Variants in IGFBPL1 observed in about 807,000 individuals in gnomAD.
The protein encoded by IGFBPL1 is insulin-like growth factor-binding protein-like 1.
In IGFBPL1, 20 loss-of-function variants were observed where a neutral mutation model predicts 23.9. That is an observed-to-expected ratio of 0.84 (90% CI 0.59 to 1.22). The LOEUF is 1.22. Ranked by LOEUF, IGFBPL1 falls within the 50% of genes most tolerant of loss-of-function variation. The probability of loss-of-function intolerance (pLI) is 0.00; values close to 1 mark genes in which losing one functional copy is unlikely to be tolerated. For missense variants in IGFBPL1, 436 were observed against 379.3 expected, an observed-to-expected ratio of 1.15 and a Z score of -1.24; for synonymous variants, 184 against 171.8, an observed-to-expected ratio of 1.07 and a Z score of -0.56.
chr9:38,409,296 G>C (rs142391380), intron 4 of IGFBPL1, 79 bp from the exon 5 acceptor site: 1 of 152,206 alleles, frequency 6.6e-6, no homozygotes, highest in African/African-American at 2.4e-5. Flanking sequence ...ATGGAAGGTG[G>C]GGGAAATGAT....
chr9:38,422,704 C>A (rs543616275), intron 1 of IGFBPL1, among the ~76,000 whole-genome samples: 72 of 152,314 alleles, frequency 4.7e-4, no homozygotes, highest in African/African-American at 1.7e-3. Flanking sequence ...CTAGGAACAG[C>A]CAATGGTGAC....
intron 1 of IGFBPL1, among the ~76,000 whole-genome samples, chr9:38,418,975 C>T (rs190625699): frequency 2.0e-5 from 3 of 152,098 alleles, no homozygotes; most frequent in East Asian, 3.9e-4. Context: ...AGATGATGAC[C>T]GCAGCCTCGC....
chr9:38,409,940 C>T (rs561384876), intron 4 of IGFBPL1, among the ~76,000 whole-genome samples: 11 of 152,144 alleles, frequency 7.2e-5, no homozygotes, highest in Non-Finnish European at 1.6e-4. Context: ...TTACATCGCA[C>T]TCCTTGTATT....
chr9:38,408,077 G>T lies in IGFBPL1; in HGVS notation c.*1150C>A, dbSNP rs144102459. ...TGACCCCTTTTTTTACAATTTGATC[G>T]TCAGAAGCCTGGTATCCACCGCTTC... On this transcript the variant is annotated 3_prime_UTR_variant, in exon 5 of 5. Coordinates refer to ENST00000377694, the MANE Select transcript of IGFBPL1 (RefSeq NM_001007563.3). Among the ~76,000 whole-genome samples, 1 of 151,658 alleles carries T rather than the reference G, an allele frequency of 6.6e-6. No individual in the cohort carries two copies. Among genetic ancestry groups the T allele is most frequent in the Non-Finnish European group, 1.5e-5 (1 of 67,936 alleles).
chr9:38,414,033 T>TCTCACA (rs5897733), intron 2 of IGFBPL1, 61 bp downstream of exon 2: 19,083 of 759,970 alleles, frequency 0.025, 302 homozygotes, highest in Admixed American at 0.11. Flanking sequence ...TCCCTCTTTC[T>TCTCACA]CACACACACA....
chr9:38,413,250 G>A lies in IGFBPL1; in HGVS notation c.674C>T (p.Thr225Met), dbSNP rs199933591. 2.7e-4 allele frequency: 432 copies of A among 1,609,054 alleles called. 2 individuals carry two copies. The highest frequency in any genetic ancestry group is 1.0e-3 in the South Asian group (94 of 90,862). ...CTAAACACTCACCAAAATCCAGGCC[G>A]TGGCCTCATGGTCAGAAGGGCCCCC... ...VRGGPSDHEATAWILINPLRK... is the reference protein window; with the variant it reads ...VRGGPSDHEAMAWILINPLRK... Residue 225 changes from threonine (T) to methionine (M), a missense_variant, in exon 3 of 5, where the codon ACG (threonine) becomes ATG (methionine). Transcript: ENST00000377694.
chr9:38,411,448 C>CAGATCTAGAA lies in IGFBPL1; in HGVS notation c.779_788dup (p.Lys265ArgfsTer4), dbSNP rs1821512162. 1 of 1,613,988 alleles carries CAGATCTAGAA rather than the reference C, an allele frequency of 6.2e-7. No individual in the cohort carries two copies. Among genetic ancestry groups the CAGATCTAGAA allele is most frequent in the Non-Finnish European group, 8.5e-7 (1 of 1,179,990 alleles). On this transcript the variant is annotated frameshift_variant, in exon 4 of 5. Coordinates refer to ENST00000377694, the MANE Select transcript of IGFBPL1 (RefSeq NM_001007563.3). LOFTEE classifies it high-confidence loss of function. ...GGAAGTGGAAGCTCCTGTATTTACT[C>CAGATCTAGAA]AGATCTAGAACCGTCACTGTGCTGT...
At chr9:38,411,298 G>T (rs891645900) in intron 4 of IGFBPL1, 93 bp downstream of exon 4, 2 of 1,090,188 alleles carry the variant, frequency 1.8e-6, no homozygotes, top group East Asian at 2.4e-5. Context: ...CTCCATTTAC[G>T]TATTTTTCTT....
Position 38,413,311 on chromosome 9 carries a change from GC to G in IGFBPL1, c.612del (p.Pro205LeufsTer7), listed in dbSNP as rs748140499. On this transcript the variant is annotated frameshift_variant, in exon 3 of 5. Coordinates refer to ENST00000377694, the MANE Select transcript of IGFBPL1 (RefSeq NM_001007563.3). LOFTEE classifies it high-confidence loss of function. ...SPEGTQALEE[L>X]PGDHVNIAVQ... ...ACAGCTATATTGACATGGTCCCCAG[GC>G]AGCTCCTCCAGTGCTTGGGTGCCCT... The G allele has an allele frequency of 6.2e-7, 1 of 1,614,060 alleles. No individual in the cohort carries two copies. Among genetic ancestry groups the G allele is most frequent in the South Asian group, 1.1e-5 (1 of 91,028 alleles).
intron 4 of IGFBPL1, among the ~76,000 whole-genome samples, chr9:38,409,814 T>G (rs995348133): frequency 1.3e-5 from 2 of 152,190 alleles, no homozygotes; most frequent in African/African-American, 4.8e-5. Context: ...TTCTAGGGCC[T>G]CTAACTACTC....
chr9:38,424,385 G>GCAC lies in IGFBPL1; in HGVS notation c.39_40insGTG (p.Leu13_Leu14insVal), dbSNP rs1410047110. On this transcript the variant is annotated inframe_insertion, in exon 1 of 5. Coordinates refer to ENST00000377694, the MANE Select transcript of IGFBPL1 (RefSeq NM_001007563.3). ...AGCGGCGGCAGCAGCGGCAGCAGCA[G>GCAC]CAGAAGCAGCAGCGGCAAGAGCAGA... is the stretch of plus-strand genomic sequence containing the variant. The GCAC allele has an allele frequency of 3.0e-6, 2 of 655,758 alleles. No individual in the cohort carries two copies. The highest frequency in any genetic ancestry group is 5.2e-6 in the Non-Finnish European group (2 of 383,354). 40.6% of individuals were successfully genotyped at this position (655,758 alleles called of 1,614,324 possible).
chr9:38,413,071 C>T (rs557111718), intron 3 of IGFBPL1, among the ~76,000 whole-genome samples, 166 bp downstream of exon 3: 20 of 152,310 alleles, frequency 1.3e-4, no homozygotes, highest in Middle Eastern at 3.4e-3. Context: ...CAGCAGAACA[C>T]GTATGTTCCC....
At chr9:38,412,485 C>T (rs74562401) in intron 3 of IGFBPL1, among the ~76,000 whole-genome samples, 5,865 of 152,294 alleles carry the variant, frequency 0.039, 180 homozygotes, top group East Asian at 0.1. Flanking sequence ...GGTAAAAGTG[C>T]TGCGAGTGGC....
At position 38,408,792 on chromosome 9, in the gene IGFBPL1, C is replaced by G. The variant is rs183880973; in HGVS notation, c.*435G>C. ...GCCCAGAGAGGGGAAGGGATCTGTT[C>G]AGGTCACACAGCAAGTTACAGTCAG... On this transcript the variant is annotated 3_prime_UTR_variant, in exon 5 of 5. Coordinates refer to ENST00000377694, the MANE Select transcript of IGFBPL1 (RefSeq NM_001007563.3). Among the ~76,000 whole-genome samples, 368 of 152,286 alleles carry G rather than the reference C, an allele frequency of 2.4e-3. No individual in the cohort carries two copies. The highest frequency in any genetic ancestry group is 4.6e-3 in the Non-Finnish European group (313 of 68,032).
chr9:38,406,593 G>A lies in IGFBPL1; in HGVS notation c.*2634C>T, dbSNP rs11361. ...GTGACATCATGACATCTACAAAAAC[G>A]GTAGAAAAACCCAGGTTTGGTGCGG... On this transcript the variant is annotated 3_prime_UTR_variant, in exon 5 of 5. Coordinates refer to ENST00000377694, the MANE Select transcript of IGFBPL1 (RefSeq NM_001007563.3). 0.19 allele frequency among the ~76,000 whole-genome samples: 28,320 copies of A among 151,948 alleles called. 2,706 individuals are homozygous for A. The highest frequency in any genetic ancestry group is 0.22 in the Middle Eastern group (64 of 294).
chr9:38,413,004 G>A lies in IGFBPL1; in HGVS notation c.687+233C>T, dbSNP rs146962119. Among the ~76,000 whole-genome samples the A allele has an allele frequency of 3.3e-5, 5 of 152,260 alleles. No individual in the cohort carries two copies. In the East Asian group the frequency reaches 7.7e-4, roughly 24 times the overall value. On this transcript the variant is annotated intron_variant, in intron 3 of 4. Transcript: ENST00000377694. ...ACCACCTTGCCATGTAACATCGTAC[G>A]GTTCTGGGGGTGAGGACGTGGTGGA... is the stretch of plus-strand genomic sequence containing the variant.
intron 4 of IGFBPL1, among the ~76,000 whole-genome samples, chr9:38,410,264 T>C (rs920622097): frequency 6.6e-5 from 10 of 152,116 alleles, no homozygotes; most frequent in Non-Finnish European, 1.2e-4. Context: ...GGGCGGATCA[T>C]GAAGTCGGGA....
chr9:38,411,727 G>A (rs4142261), intron 3 of IGFBPL1, among the ~76,000 whole-genome samples, 178 bp from the exon 4 acceptor site: 22,979 of 152,080 alleles, frequency 0.15, 2,145 homozygotes, highest in East Asian at 0.45. Context: ...CCTTCCCAGG[G>A]ACCCTCTTGA....
Position 38,413,294 on chromosome 9 carries a change from A to G in IGFBPL1, c.630T>C (p.Asn210=), listed in dbSNP as rs1821542202. ...GGCCCCCTCGCACTTGGACAGCTAT[A>G]TTGACATGGTCCCCAGGCAGCTCCT... The part of the protein sequence containing the change: ...ALEELPGDHV[N]IAVQVRGGPS... Residue 210 remains asparagine (N), a synonymous_variant, in exon 3 of 5, where the codon AAT becomes AAC. Transcript: ENST00000377694. 1 of 1,614,102 alleles carries G rather than the reference A, an allele frequency of 6.2e-7. No individual in the cohort carries two copies. The highest frequency in any genetic ancestry group is 8.5e-7 in the Non-Finnish European group (1 of 1,180,002).
Sources: gnomAD v4.1 joint callset for allele counts (sites outside exome capture counted in the v4.1 genomes callset) on GRCh38, gnomAD v4.1.1 for gene constraint, MANE v1.5 for transcripts, NCBI Gene and HGNC (gene_info 2026-07-23, HGNC 2026-07-21) for gene names.